The following GPC5 variants were observed in gnomAD, a reference collection of about 807,000 sequenced individuals.
GPC5 encodes the protein glypican 5.
GPC5 carries 47 observed loss-of-function variants against 53.9 expected under a neutral mutation model. The ratio of observed to expected loss-of-function variants is 0.87; its 90% CI spans 0.69 to 1.11. GPC5 has a LOEUF of 1.11. Among genes scored for constraint, GPC5 ranks in the 50% most tolerant of loss-of-function variants. The probability of loss-of-function intolerance (pLI) is 0.00; values close to 1 mark genes in which losing one functional copy is unlikely to be tolerated. For missense variants in GPC5, 748 were observed against 713.1 expected, an observed-to-expected ratio of 1.05 and a Z score of -0.56; for synonymous variants, 286 against 263.3, an observed-to-expected ratio of 1.09 and a Z score of -0.84.
In GPC5 at chr13:92,803,715, A is replaced by G. The variant is rs964069660; in HGVS notation, c.1562-62567A>G. ...ATTATGTTCACTTACTTTCATCTGA[A>G]AAGAGTGCCGATTCTCTAATTTGTA... On this transcript the variant is annotated intron_variant, in intron 7 of 7. Transcript: ENST00000377067. 3.3e-5 allele frequency among the ~76,000 whole-genome samples: 5 copies of G among 152,020 alleles called. No individual in the cohort carries two copies. The South Asian group carries it at 1.0e-3, about 31-fold the overall frequency.
At chr13:92,737,766 C>CTTTTTTTTT (rs33914729) in intron 7 of GPC5, among the ~76,000 whole-genome samples, 18 of 102,126 alleles carry the variant, frequency 1.8e-4, no homozygotes, top group East Asian at 3.3e-4. Flanking sequence ...TTTTCTTTTT[C>CTTTTTTTTT]TTTTTTTTTT....
intron 7 of GPC5, among the ~76,000 whole-genome samples, chr13:92,735,443 TC>T (rs1415002453): frequency 6.6e-6 from 1 of 151,952 alleles, no homozygotes; most frequent in African/African-American, 2.4e-5. Context: ...TACTGATTCT[TC>T]TTCTCGATAG....
At chr13:92,778,225 T>C (rs1374348865) in intron 7 of GPC5, among the ~76,000 whole-genome samples, 1 of 151,902 alleles carries the variant, frequency 6.6e-6, no homozygotes, top group Admixed American at 6.6e-5. Context: ...TTTTTAATTA[T>C]ATTATATATA....
chr13:92,723,689 T>TAACA (rs919744717), intron 7 of GPC5, among the ~76,000 whole-genome samples: 43 of 151,762 alleles, frequency 2.8e-4, no homozygotes, highest in Middle Eastern at 3.4e-3. Context: ...ACCCAGAAGG[T>TAACA]AACAGATAAT....
intron 7 of GPC5, among the ~76,000 whole-genome samples, chr13:92,709,802 A>C (rs1432569606): frequency 2.0e-5 from 3 of 152,240 alleles, no homozygotes; most frequent in Non-Finnish European, 4.4e-5. Context: ...GAAGTTATCC[A>C]ACAATTGTAA....
At chr13:92,501,392 C>T (rs1009906624) in intron 7 of GPC5, among the ~76,000 whole-genome samples, 13 of 151,996 alleles carry the variant, frequency 8.6e-5, no homozygotes, top group African/African-American at 2.9e-4. Context: ...AAGAATTATG[C>T]AAGATTAACA....
chr13:91,518,552 A>G (rs779775823), intron 2 of GPC5, among the ~76,000 whole-genome samples: 3 of 151,928 alleles, frequency 2.0e-5, no homozygotes, highest in Admixed American at 2.0e-4. Context: ...AGAATTTCAG[A>G]TTTCTTTTTT....
intron 1 of GPC5, among the ~76,000 whole-genome samples, chr13:91,422,817 T>G (rs1410597981): frequency 6.6e-6 from 1 of 152,120 alleles, no homozygotes; most frequent in African/African-American, 2.4e-5. Context: ...ATAACAGACC[T>G]ACTCTCATGA....
intron 5 of GPC5, among the ~76,000 whole-genome samples, chr13:91,845,037 A>G (rs963334703): frequency 1.3e-5 from 2 of 152,216 alleles, no homozygotes; most frequent in Admixed American, 1.3e-4. Context: ...TATTCATATA[A>G]CCTAGCAAAA....
At chr13:92,077,518 G>A (rs2041261758) in intron 6 of GPC5, among the ~76,000 whole-genome samples, 1 of 152,220 alleles carries the variant, frequency 6.6e-6, no homozygotes, top group Non-Finnish European at 1.5e-5. Flanking sequence ...TTTCATGGTA[G>A]CATTTTCCCA....
intron 6 of GPC5, among the ~76,000 whole-genome samples, chr13:92,048,571 A>C (rs1017059120): frequency 6.6e-6 from 1 of 152,164 alleles, no homozygotes; most frequent in African/African-American, 2.4e-5. Flanking sequence ...ATTTTGTGTA[A>C]GTTTTAAAAA....
chr13:92,133,723 T>A (rs1306654866), intron 6 of GPC5, among the ~76,000 whole-genome samples: 2 of 152,062 alleles, frequency 1.3e-5, no homozygotes, highest in African/African-American at 2.4e-5. Context: ...ACACACAGAG[T>A]TGAGTGACAC....
chr13:91,665,087 G>T (rs1177642350), intron 2 of GPC5, among the ~76,000 whole-genome samples: 1 of 152,192 alleles, frequency 6.6e-6, no homozygotes, highest in African/African-American at 2.4e-5. Flanking sequence ...CTCATTAAAA[G>T]AAATTGCTCT....
intron 7 of GPC5, among the ~76,000 whole-genome samples, chr13:92,579,314 C>G (rs1566302874): frequency 8.7e-6 from 1 of 114,524 alleles, no homozygotes; most frequent in East Asian, 3.1e-4. Context: ...TCCCTCCCTC[C>G]CTCCCTCCCT....
At chr13:91,836,170 T>C (rs1211384452) in intron 5 of GPC5, among the ~76,000 whole-genome samples, 2 of 152,102 alleles carry the variant, frequency 1.3e-5, no homozygotes, top group Non-Finnish European at 2.9e-5. Context: ...ACTCTAAATG[T>C]TGTAATTAAA....
intron 7 of GPC5, among the ~76,000 whole-genome samples, chr13:92,487,855 A>G (rs12876875): frequency 0.49 from 71,860 of 146,010 alleles, 19,117 homozygotes; most frequent in East Asian, 0.72. Flanking sequence ...AAAAAAAAAA[A>G]AAAAAGAAAG....
chr13:92,091,426 G>C (rs1347608838), intron 6 of GPC5, among the ~76,000 whole-genome samples: 6 of 151,456 alleles, frequency 4.0e-5, no homozygotes, highest in African/African-American at 9.7e-5. Flanking sequence ...AATAACTATA[G>C]ATATTCATTT....
At chr13:92,305,470 G>A (rs934543554) in intron 7 of GPC5, among the ~76,000 whole-genome samples, 1 of 151,254 alleles carries the variant, frequency 6.6e-6, no homozygotes, top group African/African-American at 2.4e-5. Context: ...TTTTTAAATT[G>A]GATCAACTGG....
chr13:91,889,154 A>G (rs1044048688), intron 5 of GPC5, among the ~76,000 whole-genome samples: 2 of 152,190 alleles, frequency 1.3e-5, no homozygotes, highest in African/African-American at 2.4e-5. Flanking sequence ...GGAGCTTAGT[A>G]TGTAAGATAC....
Sources: allele counts gnomAD v4.1 joint callset (sites outside exome capture counted in the v4.1 genomes callset), GRCh38; gene constraint gnomAD v4.1.1; transcripts MANE v1.5; gene names NCBI Gene and HGNC (gene_info 2026-07-23, HGNC 2026-07-21).